CNTNAP2: variants seen among roughly 807,000 people sequenced by gnomAD.
CNTNAP2 encodes contactin-associated protein-like 2.
A neutral mutation model predicts 155.2 loss-of-function variants in CNTNAP2; 98 were observed. The observed-to-expected ratio is 0.63, with a 90% confidence interval of 0.54 to 0.75. CNTNAP2 has a LOEUF of 0.75. Among genes scored for constraint, CNTNAP2 ranks in the 30% least tolerant of loss-of-function variants. The probability of loss-of-function intolerance (pLI) is 0.00; values close to 1 mark genes in which losing one functional copy is unlikely to be tolerated. For synonymous variants in CNTNAP2, 651 were observed against 631.2 expected, an observed-to-expected ratio of 1.03 and a Z score of -0.47; for missense variants, 1,727 against 1,688.1, an observed-to-expected ratio of 1.02 and a Z score of -0.40.
chr7:147,307,804 C>T (rs1054255796), intron 9 of CNTNAP2, among the ~76,000 whole-genome samples: 1 of 152,082 alleles, frequency 6.6e-6, no homozygotes, highest in Non-Finnish European at 1.5e-5. Context: ...AGAACTAAGG[C>T]CTACATTCAT....
intron 21 of CNTNAP2, among the ~76,000 whole-genome samples, chr7:148,319,504 C>A (rs955045963): frequency 1.3e-5 from 2 of 152,152 alleles, no homozygotes; most frequent in African/African-American, 2.4e-5. Context: ...GCCATGGACA[C>A]CTACCGTGGC....
intron 13 of CNTNAP2, 61 bp downstream of exon 13, chr7:147,639,367 A>G (rs1273573875): frequency 1.3e-6 from 2 of 1,493,974 alleles, no homozygotes; most frequent in Non-Finnish European, 1.8e-6. Flanking sequence ...AGAATTGCCT[A>G]AAGAATCCAA....
At chr7:146,487,707 T>G (rs1797077397) in intron 1 of CNTNAP2, among the ~76,000 whole-genome samples, 1 of 152,316 alleles carries the variant, frequency 6.6e-6, no homozygotes, top group Non-Finnish European at 1.5e-5. Context: ...TTACGCAGCA[T>G]CCTCAAGTAC....
intron 11 of CNTNAP2, among the ~76,000 whole-genome samples, chr7:147,535,812 C>T (rs779549665): frequency 7.2e-5 from 11 of 152,170 alleles, no homozygotes; most frequent in Non-Finnish European, 1.5e-4. Flanking sequence ...AATATTCACC[C>T]TCTGTCAGCA....
chr7:147,583,727 A>G (rs187362037), intron 12 of CNTNAP2, among the ~76,000 whole-genome samples: 5 of 152,028 alleles, frequency 3.3e-5, no homozygotes, highest in Non-Finnish European at 7.4e-5. Context: ...GGAGATGTCT[A>G]TAAGTCAACA....
chr7:146,540,368 G>A (rs538758401), intron 1 of CNTNAP2, among the ~76,000 whole-genome samples: 1 of 152,050 alleles, frequency 6.6e-6, no homozygotes, highest in East Asian at 1.9e-4. Context: ...TCCCAGATAA[G>A]GGAGATTACT....
chr7:148,067,524 T>G (rs1482317517), intron 15 of CNTNAP2, among the ~76,000 whole-genome samples: 2 of 152,216 alleles, frequency 1.3e-5, no homozygotes, highest in African/African-American at 4.8e-5. Context: ...AGGTAGACTG[T>G]GTGAGGGTCT....
intron 1 of CNTNAP2, among the ~76,000 whole-genome samples, chr7:146,272,117 C>T (rs2129083480): frequency 6.6e-6 from 1 of 152,278 alleles, no homozygotes; most frequent in Admixed American, 6.5e-5. Context: ...TTTTAATTGA[C>T]TCACAGTTCA....
At chr7:148,220,403 A>G (rs1486417598) in intron 19 of CNTNAP2, among the ~76,000 whole-genome samples, 1 of 152,226 alleles carries the variant, frequency 6.6e-6, no homozygotes, top group African/African-American at 2.4e-5. Flanking sequence ...TGCCTGGCCA[A>G]CATCATAATG....
intron 1 of CNTNAP2, among the ~76,000 whole-genome samples, chr7:146,616,850 CT>C (rs1440486507): frequency 5.3e-5 from 8 of 152,244 alleles, no homozygotes; most frequent in Admixed American, 3.9e-4. Flanking sequence ...ACACAATTAT[CT>C]CTTATAATGA....
At chr7:146,962,792 C>A (rs527630011) in intron 3 of CNTNAP2, 1 of 152,364 alleles carries the variant, frequency 6.6e-6, no homozygotes, top group Non-Finnish European at 1.5e-5. Context: ...CTCACGTGAT[C>A]CACCTGCTTC....
rs1245907017 is a variant in CNTNAP2 at position 147,398,580 on chromosome 7, C to T, written c.1670+2800C>T. On this transcript the variant is annotated intron_variant, in intron 10 of 23. Coordinates refer to ENST00000361727, the MANE Select transcript of CNTNAP2 (RefSeq NM_014141.6). Reference sequence around the variant, plus strand: ...CTGTGTGTTGTATTGGAATACCCTACGATTTGAACTTTTTTTTTTTTTTTT... The same window carrying T: ...CTGTGTGTTGTATTGGAATACCCTATGATTTGAACTTTTTTTTTTTTTTTT... Among the ~76,000 whole-genome samples, 7 of 114,946 alleles carry T rather than the reference C, an allele frequency of 6.1e-5. No individual in the cohort carries two copies. In the South Asian group the frequency reaches 8.7e-4, roughly 14 times the overall value. The allele number at this position is 114,946 out of a possible 152,430, so 75.4% of individuals were successfully genotyped here.
intron 1 of CNTNAP2, among the ~76,000 whole-genome samples, chr7:146,176,404 T>A (rs1798470592): frequency 6.6e-6 from 1 of 152,188 alleles, no homozygotes; most frequent in Non-Finnish European, 1.5e-5. Flanking sequence ...AAAAATAATT[T>A]AGCTTTCAGA....
intron 11 of CNTNAP2, among the ~76,000 whole-genome samples, chr7:147,528,507 C>T (rs1224838877): frequency 1.3e-5 from 2 of 152,206 alleles, no homozygotes. Context: ...CCTTTACACA[C>T]AACACTCACA....
chr7:147,143,396 T>A (rs1584752855), intron 8 of CNTNAP2, among the ~76,000 whole-genome samples: 1 of 152,312 alleles, frequency 6.6e-6, no homozygotes, highest in East Asian at 1.9e-4. Context: ...AAATTATTGT[T>A]TACATTTGTT....
At chr7:147,193,975 A>G (rs1404755585) in intron 8 of CNTNAP2, among the ~76,000 whole-genome samples, 1 of 152,042 alleles carries the variant, frequency 6.6e-6, no homozygotes, top group Non-Finnish European at 1.5e-5. Flanking sequence ...TCTAAAAAAA[A>G]GTGGGGGGAG....
chr7:146,262,463 A>G (rs933686431), intron 1 of CNTNAP2, among the ~76,000 whole-genome samples: 9 of 152,182 alleles, frequency 5.9e-5, no homozygotes, highest in African/African-American at 2.2e-4. Context: ...ATACTTTTGT[A>G]TGCCTTTTAA....
chr7:146,689,675 A>G (rs535318847), intron 1 of CNTNAP2, among the ~76,000 whole-genome samples: 1 of 152,266 alleles, frequency 6.6e-6, no homozygotes, highest in South Asian at 2.1e-4. Flanking sequence ...AACAAATTGA[A>G]CAGAGGTGCC....
In CNTNAP2 at chr7:146,910,648, A is replaced by G. The variant is rs926022515; in HGVS notation, c.402+70744A>G. ...TCCCTTCCTTACACCTTATACAAAAATCAATTCAAGATGGATCAAAGATTT... is the reference window on the plus strand; with the variant it reads ...TCCCTTCCTTACACCTTATACAAAAGTCAATTCAAGATGGATCAAAGATTT... On this transcript the variant is annotated intron_variant, in intron 3 of 23. Coordinates refer to ENST00000361727, the MANE Select transcript of CNTNAP2 (RefSeq NM_014141.6). 4.6e-4 allele frequency among the ~76,000 whole-genome samples: 70 copies of G among 150,642 alleles called. 2 individuals carry two copies. Among genetic ancestry groups the G allele is most frequent in the African/African-American group, 1.7e-3 (69 of 40,068 alleles).
Sources: gnomAD v4.1 joint callset for allele counts (sites outside exome capture counted in the v4.1 genomes callset) on GRCh38, gnomAD v4.1.1 for gene constraint, MANE v1.5 for transcripts, NCBI Gene and HGNC (gene_info 2026-07-23, HGNC 2026-07-21) for gene names.